The following LEMD3 variants were observed in gnomAD, a reference collection of about 807,000 sequenced individuals.
The protein encoded by LEMD3 is LEM domain containing 3.
LEMD3 carries 33 observed loss-of-function variants against 95.2 expected under a neutral mutation model. The observed-to-expected ratio is 0.35, with a 90% CI of 0.26 to 0.46. The LOEUF is 0.46. Among genes scored for constraint, LEMD3 ranks in the 20% least tolerant of loss-of-function variants. The pLI is 1.00. For missense variants in LEMD3, 1,210 were observed against 1,192.8 expected (o/e 1.01, Z -0.21); for synonymous variants, 525 against 474.6 (o/e 1.11, Z -1.38).
intron 1 of LEMD3, among the ~76,000 whole-genome samples, chr12:65,205,708 C>G (rs1300180115): frequency 6.6e-6 from 1 of 152,098 alleles, no homozygotes; most frequent in East Asian, 1.9e-4. Context: ...TTCTCTTTAA[C>G]TGATTATCCC....
In LEMD3 at chr12:65,184,095, T is replaced by A. The variant is rs1868988317; in HGVS notation, c.1522+12977T>A. Among the ~76,000 whole-genome samples the A allele has an allele frequency of 2.0e-5, 3 of 152,194 alleles. No individual in the cohort carries two copies. In the South Asian group the frequency reaches 6.2e-4, roughly 32 times the overall value. ...ATTCTGAGAAAGAATTGAGAAGTTC[T>A]TATTCATCATGCTCTTTGAATTGTA... On this transcript the variant is annotated intron_variant, in intron 1 of 12. Transcript: ENST00000308330.
intron 10 of LEMD3, chr12:65,245,435 G>A: frequency 2.1e-6 from 1 of 487,338 alleles, no homozygotes; most frequent in Non-Finnish European, 3.7e-6. Context: ...CACCGCGCCT[G>A]GCCAGCGCTC....
At chr12:65,202,854 CT>C (rs1489904275) in intron 1 of LEMD3, among the ~76,000 whole-genome samples, 1 of 152,062 alleles carries the variant, frequency 6.6e-6, no homozygotes, top group Non-Finnish European at 1.5e-5. Flanking sequence ...TCACAGTATT[CT>C]TTTGTTATCC....
chr12:65,215,355 C>T (rs1870075974), intron 2 of LEMD3, among the ~76,000 whole-genome samples: 2 of 152,142 alleles, frequency 1.3e-5, no homozygotes, highest in South Asian at 4.1e-4. Flanking sequence ...TATTACTCTG[C>T]AGTTGTATAA....
intron 4 of LEMD3, among the ~76,000 whole-genome samples, chr12:65,224,497 G>A (rs2136344994): frequency 6.6e-6 from 1 of 152,084 alleles, no homozygotes; most frequent in African/African-American, 2.4e-5. Flanking sequence ...ACGATGTACT[G>A]CTCCCCCCTC....
chr12:65,169,719 G>A lies in LEMD3; in HGVS notation c.123G>A (p.Lys41=), dbSNP rs2136312205. 1 of 1,587,700 alleles carries A rather than the reference G, an allele frequency of 6.3e-7. No individual in the cohort carries two copies. Among genetic ancestry groups the A allele is most frequent in the South Asian group, 1.1e-5 (1 of 87,398 alleles). Residue 41 remains lysine, a synonymous_variant, in exon 1 of 13, where the codon AAG becomes AAA. Transcript: ENST00000308330. ...AGAGCACCCGCCCGGTCTACCTCAA[G>A]AAGCTGAAGAAGCTTCGAGAGGAAG... ...VTESTRPVYL[K]KLKKLREEEQ... is the part of the protein sequence containing the mutation.
intron 1 of LEMD3, among the ~76,000 whole-genome samples, chr12:65,187,062 T>A (rs1869089222): frequency 6.6e-6 from 1 of 152,110 alleles, no homozygotes; most frequent in South Asian, 2.1e-4. Context: ...ATCCTTGTTC[T>A]GCAGGAAGGG....
chr12:65,221,812 C>G (rs1187358136), intron 4 of LEMD3, among the ~76,000 whole-genome samples: 2 of 148,734 alleles, frequency 1.3e-5, no homozygotes, highest in Non-Finnish European at 3.0e-5. Flanking sequence ...GTGATCTCTG[C>G]TCAATACAAC....
At chr12:65,242,335 T>G (rs550330746) in intron 9 of LEMD3, among the ~76,000 whole-genome samples, 118 of 152,204 alleles carry the variant, frequency 7.8e-4, no homozygotes, top group Non-Finnish European at 1.5e-3. Flanking sequence ...ACTCTGCCAT[T>G]TCTCCCTAGA....
At position 65,239,844 on chromosome 12, in the gene LEMD3, G is replaced by A. The variant is rs939158495; in HGVS notation, c.1922-85G>A. On this transcript the variant is annotated intron_variant, in intron 6 of 12. Coordinates refer to ENST00000308330, the MANE Select transcript of LEMD3 (RefSeq NM_014319.5). ...GCCATCTGTCTTGAAGGTTCATTCC[G>A]TTGTGGCAGTTAAAATAATCACTGA... 3.3e-5 allele frequency: 29 copies of A among 891,590 alleles called. No homozygotes were observed. The African/African-American group carries it at 3.3e-4, about 10-fold the overall frequency. 55.2% of individuals were successfully genotyped at this position (891,590 alleles called of 1,614,324 possible).
chr12:65,192,500 T>C (rs1464255974), intron 1 of LEMD3, among the ~76,000 whole-genome samples: 2 of 152,160 alleles, frequency 1.3e-5, no homozygotes, highest in African/African-American at 4.8e-5. Context: ...AGTTACTTTT[T>C]CCCTTAACAA....
rs779735530 is a variant in LEMD3, at chr12:65,219,514, T to G, written c.1695+895T>G. ...CTGGAAGGTGGCTGGCATTTGAACG[T>G]GGACAAGTCATGCCATACAAATTTC... On this transcript the variant is annotated intron_variant, in intron 4 of 12. Coordinates refer to ENST00000308330, the MANE Select transcript of LEMD3 (RefSeq NM_014319.5). Among the ~76,000 whole-genome samples, 58 of 152,232 alleles carry G rather than the reference T, an allele frequency of 3.8e-4. 1 individual carries two copies. The highest frequency in any genetic ancestry group is 1.2e-4 in the Non-Finnish European group (8 of 68,030).
At chr12:65,205,641 T>C (rs1415434035) in intron 1 of LEMD3, among the ~76,000 whole-genome samples, 2 of 152,124 alleles carry the variant, frequency 1.3e-5, no homozygotes, top group African/African-American at 4.8e-5. Flanking sequence ...CAGGTGAAAA[T>C]TGGGAGTTCT....
Position 65,238,696 on chromosome 12 carries a change from A to T in LEMD3, c.1803A>T (p.Glu601Asp). The change falls in exon 6 of 13, where the codon GAA (glutamate) becomes GAT (aspartate). Residue 601 changes from glutamate to aspartate, a missense_variant. Glu to Asp is a conservative substitution (Grantham distance 45). This residue lies in a region of LEMD3 where 461 missense variants were observed against 569.8 expected (regional missense o/e 0.81). Coordinates refer to ENST00000308330, the MANE Select transcript of LEMD3 (RefSeq NM_014319.5). The stretch of plus-strand genomic sequence containing the variant: ...GTGTTGGTTTTGGCCCTGAGGAAGA[A>T]TTGACAAATATAACTGATGTGCAGT... ...IRCVGFGPEEELTNITDVQFL... is the reference protein window; with the variant it reads ...IRCVGFGPEEDLTNITDVQFL... The T allele has an allele frequency of 6.2e-7, 1 of 1,614,108 alleles. No homozygotes were observed. Among genetic ancestry groups the T allele is most frequent in the Non-Finnish European group, 8.5e-7 (1 of 1,179,976 alleles).
chr12:65,221,994 C>T (rs138050008), intron 4 of LEMD3, among the ~76,000 whole-genome samples: 3,576 of 152,102 alleles, frequency 0.024, 163 homozygotes, highest in African/African-American at 0.082. Context: ...CCACCCACCT[C>T]GGCCTCCCAA....
chr12:65,195,013 G>A (rs910454186), intron 1 of LEMD3, among the ~76,000 whole-genome samples: 2 of 151,872 alleles, frequency 1.3e-5, no homozygotes, highest in African/African-American at 2.4e-5. Context: ...GAGGTTGAAG[G>A]CAAGATGGGA....
Position 65,169,726 on chromosome 12 carries a change from A to G in LEMD3, c.130A>G (p.Lys44Glu), listed in dbSNP as rs1868447086. ...STRPVYLKKL[K>E]KLREEEQQQH... The stretch of plus-strand genomic sequence containing the variant: ...CCGCCCGGTCTACCTCAAGAAGCTG[A>G]AGAAGCTTCGAGAGGAAGAGCAGCA... The change falls in exon 1 of 13, where the codon AAG (lysine) becomes GAG (glutamate). Residue 44 changes from lysine (K) to glutamate (E), a missense_variant. Around this residue, in one of 2 missense-constraint regions of LEMD3, gnomAD observed 749 missense variants for 622.9 expected, o/e 1.20. Coordinates refer to ENST00000308330, the MANE Select transcript of LEMD3 (RefSeq NM_014319.5). 6.3e-7 allele frequency: 1 copy of G among 1,590,314 alleles called. No individual in the cohort carries two copies. Among genetic ancestry groups the G allele is most frequent in the Non-Finnish European group, 8.6e-7 (1 of 1,168,514 alleles).
At chr12:65,178,128 C>T (rs1868785186) in intron 1 of LEMD3, among the ~76,000 whole-genome samples, 1 of 151,628 alleles carries the variant, frequency 6.6e-6, no homozygotes, top group Non-Finnish European at 1.5e-5. Flanking sequence ...TTACAGGTGT[C>T]AGCCATAGCA....
chr12:65,186,196 G>A (rs963599308), intron 1 of LEMD3, among the ~76,000 whole-genome samples: 1 of 152,000 alleles, frequency 6.6e-6, no homozygotes, highest in Non-Finnish European at 1.5e-5. Flanking sequence ...TTTGGAGCTA[G>A]TATTTCTTGC....
Sources: allele counts gnomAD v4.1 joint callset (sites outside exome capture counted in the v4.1 genomes callset), GRCh38; gene constraint gnomAD v4.1.1; regional missense constraint gnomAD v4.1.1; transcripts MANE v1.5; gene names NCBI Gene and HGNC (gene_info 2026-07-23, HGNC 2026-07-21).